The following KCNK1 variants were observed in gnomAD, a reference collection of about 807,000 sequenced individuals.
KCNK1 encodes the protein potassium channel subfamily K member 1.
KCNK1 carries 10 observed loss-of-function variants against 22.2 expected under a neutral mutation model. The observed-to-expected ratio is 0.45, with a 90% CI of 0.28 to 0.76. KCNK1 has a LOEUF of 0.76. KCNK1 is among the 30% of genes least tolerant of loss of function. The probability of loss-of-function intolerance (pLI) is 0.14; values close to 1 mark genes in which losing one functional copy is unlikely to be tolerated. For synonymous variants in KCNK1, 200 were observed against 186.4 expected (o/e 1.07, Z -0.60); for missense variants, 378 against 421.0 (o/e 0.90, Z 0.89).
intron 1 of KCNK1, among the ~76,000 whole-genome samples, chr1:233,635,244 T>C (rs955067461): frequency 2.0e-5 from 3 of 152,206 alleles, no homozygotes; most frequent in African/African-American, 7.2e-5. Context: ...TCCCTGAGGG[T>C]ATAGTCAACA....
Position 233,666,581 on chromosome 1 carries a change from T to A in KCNK1, c.356-14T>A. ...CTCTTCCTCTTCGCCTCAGTGACCT[T>A]GTTCTCCTTGCAGGTTATGGCCACA... On this transcript the variant is annotated splice_polypyrimidine_tract_variant and intron_variant, in intron 1 of 2. Transcript: ENST00000366621. 6.3e-7 allele frequency: 1 copy of A among 1,583,050 alleles called. No individual in the cohort carries two copies. Among genetic ancestry groups the A allele is most frequent in the Non-Finnish European group, 8.6e-7 (1 of 1,163,034 alleles).
At chr1:233,666,067 C>G (rs1658483454) in intron 1 of KCNK1, among the ~76,000 whole-genome samples, 1 of 152,208 alleles carries the variant, frequency 6.6e-6, no homozygotes, top group Non-Finnish European at 1.5e-5. Flanking sequence ...CACCCTCTTA[C>G]TGGACTCATA....
intron 1 of KCNK1, among the ~76,000 whole-genome samples, chr1:233,662,647 G>A (rs1413749715): frequency 1.3e-5 from 2 of 152,174 alleles, no homozygotes; most frequent in Admixed American, 6.5e-5. Flanking sequence ...GGCAAATTTA[G>A]TAGGGGACTG....
At position 233,671,594 on chromosome 1, in the gene KCNK1, T is replaced by C; in HGVS notation, c.*64T>C. Reference sequence around the variant, plus strand: ...AGGGTGCAAGGAAGAGGCTTAAGTATGTTCATTTTTATCAGAATGCAAAAG... The same window carrying C: ...AGGGTGCAAGGAAGAGGCTTAAGTACGTTCATTTTTATCAGAATGCAAAAG... On this transcript the variant is annotated 3_prime_UTR_variant, in exon 3 of 3. Transcript: ENST00000366621. 6.4e-7 allele frequency: 1 copy of C among 1,564,974 alleles called. No homozygotes were observed. Among genetic ancestry groups the C allele is most frequent in the East Asian group, 2.3e-5 (1 of 44,204 alleles).
chr1:233,660,822 C>G (rs1658377071), intron 1 of KCNK1, among the ~76,000 whole-genome samples: 1 of 152,184 alleles, frequency 6.6e-6, no homozygotes, highest in Non-Finnish European at 1.5e-5. Flanking sequence ...CACCCTCTCA[C>G]TGAGAGCACC....
intron 1 of KCNK1, among the ~76,000 whole-genome samples, chr1:233,639,353 C>A (rs1022043464): frequency 6.6e-6 from 1 of 152,196 alleles, no homozygotes; most frequent in Non-Finnish European, 1.5e-5. Flanking sequence ...GAATCTGCAA[C>A]ATTTCAAATA....
chr1:233,616,307 G>A (rs1388749217), intron 1 of KCNK1, among the ~76,000 whole-genome samples: 1 of 152,036 alleles, frequency 6.6e-6, no homozygotes, highest in Non-Finnish European at 1.5e-5. Flanking sequence ...TGAGGAAAAA[G>A]GTTTGCTTTT....
chr1:233,643,230 G>C (rs1658034111), intron 1 of KCNK1, among the ~76,000 whole-genome samples: 1 of 152,158 alleles, frequency 6.6e-6, no homozygotes, highest in Admixed American at 6.5e-5. Flanking sequence ...ACAGTGGTTA[G>C]GAGTAGAGGA....
intron 1 of KCNK1, among the ~76,000 whole-genome samples, chr1:233,655,085 G>A (rs546364966): frequency 6.6e-6 from 1 of 152,362 alleles, no homozygotes; most frequent in South Asian, 2.1e-4. Context: ...GGGCCACCAC[G>A]CCCGTGGGTT....
chr1:233,649,360 A>G (rs1658158461), intron 1 of KCNK1, among the ~76,000 whole-genome samples: 1 of 152,146 alleles, frequency 6.6e-6, no homozygotes, highest in Non-Finnish European at 1.5e-5. Context: ...CATTGGTGAA[A>G]TGGGTGGTTT....
chr1:233,658,875 C>G lies in KCNK1; in HGVS notation c.356-7720C>G, dbSNP rs540835030. On this transcript the variant is annotated intron_variant, in intron 1 of 2. Transcript: ENST00000366621. ...GGGGCTTGCAGGAATTGAAGTTGCT[C>G]TGGGTGAGTGAGTAAGTGGTGAGTG... Among the ~76,000 whole-genome samples, 16 of 152,258 alleles carry G rather than the reference C, an allele frequency of 1.1e-4. No homozygotes were observed. The South Asian group carries it at 3.1e-3, about 30-fold the overall frequency.
intron 1 of KCNK1, among the ~76,000 whole-genome samples, chr1:233,620,932 A>G (rs1571888192): frequency 6.6e-6 from 1 of 152,244 alleles, no homozygotes. Context: ...GCATTGCAAT[A>G]AACTGATGAG....
chr1:233,636,755 T>TTA (rs59315772), intron 1 of KCNK1, among the ~76,000 whole-genome samples: 13 of 151,828 alleles, frequency 8.6e-5, no homozygotes, highest in African/African-American at 3.1e-4. Context: ...AAACAGGTGA[T>TTA]CCCTCTAGGA....
intron 1 of KCNK1, among the ~76,000 whole-genome samples, chr1:233,665,092 G>A (rs769574229): frequency 2.6e-5 from 4 of 152,108 alleles, no homozygotes; most frequent in Non-Finnish European, 5.9e-5. Context: ...CAGGTAGAAA[G>A]TAAAACAGAC....
chr1:233,671,711 C>A lies in KCNK1; in HGVS notation c.*181C>A. 1.4e-6 allele frequency: 1 copy of A among 696,068 alleles called. No homozygotes were observed. Among genetic ancestry groups the A allele is most frequent in the Admixed American group, 3.0e-5 (1 of 33,542 alleles). The allele number at this position is 696,068 out of a possible 1,614,324, so 43.1% of individuals were successfully genotyped here. On this transcript the variant is annotated 3_prime_UTR_variant, in exon 3 of 3. Coordinates refer to ENST00000366621, the MANE Select transcript of KCNK1 (RefSeq NM_002245.4). ...GACAAATGGAACAAAGAAGCTGTGA[C>A]CCCAGCAGGATGTCTAATATGTGAG... is the stretch of plus-strand genomic sequence containing the variant.
intron 2 of KCNK1, among the ~76,000 whole-genome samples, chr1:233,667,218 A>G (rs2102911744): frequency 6.6e-6 from 1 of 152,006 alleles, no homozygotes; most frequent in Admixed American, 6.6e-5. Flanking sequence ...TGCAAGCTCC[A>G]CTTCACCTCT....
chr1:233,619,588 C>T (rs1657542512), intron 1 of KCNK1, among the ~76,000 whole-genome samples: 1 of 151,968 alleles, frequency 6.6e-6, no homozygotes, highest in South Asian at 2.1e-4. Flanking sequence ...GTGTTGTTAC[C>T]ATCAACAAAT....
At chr1:233,642,677 C>T (rs1053782946) in intron 1 of KCNK1, among the ~76,000 whole-genome samples, 9 of 152,214 alleles carry the variant, frequency 5.9e-5, no homozygotes, top group Admixed American at 3.9e-4. Context: ...GGGGGATGGA[C>T]GGGTAGAACA....
chr1:233,622,053 A>G (rs1295752289), intron 1 of KCNK1, among the ~76,000 whole-genome samples: 1 of 152,216 alleles, frequency 6.6e-6, no homozygotes, highest in African/African-American at 2.4e-5. Context: ...TGTAAGTCCT[A>G]TCAAGAACAG....
Sources: gnomAD v4.1 joint callset for allele counts (sites outside exome capture counted in the v4.1 genomes callset) on GRCh38, gnomAD v4.1.1 for gene constraint, MANE v1.5 for transcripts, NCBI Gene and HGNC (gene_info 2026-07-23, HGNC 2026-07-21) for gene names.